The following GSE1 variants were observed in gnomAD, a reference collection of about 807,000 sequenced individuals.
The protein encoded by GSE1 is Gse1 coiled-coil protein.
GSE1 carries 32 observed loss-of-function variants against 112.6 expected under a neutral mutation model. That is an observed-to-expected ratio of 0.28 (90% CI 0.21 to 0.38). GSE1 has a LOEUF of 0.38. Ranked by LOEUF, GSE1 falls within the 10% of genes least tolerant of loss-of-function variation. GSE1 has a pLI of 1.00. For synonymous variants in GSE1, 1,115 were observed against 735.6 expected (o/e 1.52, Z -8.35); for missense variants, 2,348 against 1,699.2 (o/e 1.38, Z -6.71).
At chr16:85,513,198 C>T (rs1007428263) in intron 2 of GSE1, among the ~76,000 whole-genome samples, 6 of 152,106 alleles carry the variant, frequency 3.9e-5, no homozygotes, top group Non-Finnish European at 7.4e-5. Flanking sequence ...CTCCCTCTCC[C>T]GGCTCAGAGA....
chr16:85,588,824 C>G (rs1049893122), intron 1 of GSE1, among the ~76,000 whole-genome samples: 1 of 152,100 alleles, frequency 6.6e-6, no homozygotes. Flanking sequence ...AGATAAGCAC[C>G]CGAGGCCTGC....
chr16:85,467,457 G>A (rs1434524403), intron 2 of GSE1, among the ~76,000 whole-genome samples: 1 of 152,206 alleles, frequency 6.6e-6, no homozygotes, highest in Non-Finnish European at 1.5e-5. Flanking sequence ...TCTCGCCTGG[G>A]ATCTCATGTT....
chr16:85,212,003 C>G (rs1377469109), intron 1 of GSE1, among the ~76,000 whole-genome samples: 1 of 152,250 alleles, frequency 6.6e-6, no homozygotes, highest in Non-Finnish European at 1.5e-5. Context: ...GGGGAGGACT[C>G]CTGTTACAGG....
Position 85,675,848 on chromosome 16 carries a change from A to T in GSE1, c.*3309A>T, listed in dbSNP as rs2053647585. 6.6e-6 allele frequency: 1 copy of T among 152,322 alleles called. No homozygotes were observed. The highest frequency in any genetic ancestry group is 2.4e-5 in the African/African-American group (1 of 41,466). The allele number at this position is 152,322 out of a possible 1,614,324, so 9.4% of individuals were successfully genotyped here. A position where few individuals can be genotyped will look rare whatever the true frequency, so the allele number is the denominator to read the frequency against. ...ATTCTTTCAAGTAACCAAGCTGTTG[A>T]CTTTCTTACTACTTGCAGTAGCCTG... On this transcript the variant is annotated 3_prime_UTR_variant, in exon 16 of 16. Transcript: ENST00000253458.
rs1411879762 is a variant in GSE1, at chr16:85,663,641, G to A, written c.2644+27G>A. ...TAGGGCCTCGCCTGGGTAGGAAGGTGGGGGCTCACTGGGGTGGAAGTGGGT... is the reference window on the plus strand; with the variant it reads ...TAGGGCCTCGCCTGGGTAGGAAGGTAGGGGCTCACTGGGGTGGAAGTGGGT... On this transcript the variant is annotated intron_variant, in intron 11 of 15. Transcript: ENST00000253458. 3 of 1,594,534 alleles carry A rather than the reference G, an allele frequency of 1.9e-6. No individual in the cohort carries two copies. The East Asian group carries it at 6.7e-5, about 36-fold the overall frequency.
At chr16:85,245,493 C>T (rs1317773637) in intron 1 of GSE1, among the ~76,000 whole-genome samples, 1 of 152,208 alleles carries the variant, frequency 6.6e-6, no homozygotes, top group Admixed American at 6.5e-5. Flanking sequence ...GTCATTGTCC[C>T]GTCATCCTTG....
chr16:85,594,623 A>T (rs1270356788), intron 1 of GSE1: 1 of 152,304 alleles, frequency 6.6e-6, no homozygotes, highest in East Asian at 1.9e-4. Context: ...TCCGTGGGTC[A>T]GATGGCCGCT....
chr16:85,313,743 A>C (rs1231926826), intron 1 of GSE1, among the ~76,000 whole-genome samples: 3 of 152,238 alleles, frequency 2.0e-5, no homozygotes, highest in African/African-American at 7.2e-5. Flanking sequence ...TGGGCAGCTC[A>C]TGTGGCCAAG....
In GSE1 at chr16:85,596,038, A is replaced by G. The variant is rs976069515; in HGVS notation, c.37+39675A>G. Among the ~76,000 whole-genome samples, 3 of 135,738 alleles carry G rather than the reference A, an allele frequency of 2.2e-5. No homozygotes were observed. The East Asian group carries it at 6.8e-4, about 31-fold the overall frequency. The allele number at this position is 135,738 out of a possible 152,430, so 89.0% of individuals were successfully genotyped here. On this transcript the variant is annotated intron_variant, in intron 1 of 2. Transcript: ENST00000635906. ...CATCTGCCCACCCATCCATCTACCC[A>G]TCCACCCATTCCTCCGTCCACCCCT...
At chr16:85,205,225 G>C (rs1321640098) in intron 1 of GSE1, among the ~76,000 whole-genome samples, 4 of 152,052 alleles carry the variant, frequency 2.6e-5, no homozygotes, top group African/African-American at 9.7e-5. Context: ...CGCCTCCTGG[G>C]GGTTCAAGCT....
intron 1 of GSE1, among the ~76,000 whole-genome samples, chr16:85,349,659 G>A (rs1189819006): frequency 6.6e-6 from 1 of 152,120 alleles, no homozygotes; most frequent in South Asian, 2.1e-4. Context: ...CCCTACACTT[G>A]GCTTCGTGCC....
At chr16:85,415,804 G>A (rs888233276) in intron 2 of GSE1, among the ~76,000 whole-genome samples, 3 of 152,226 alleles carry the variant, frequency 2.0e-5, no homozygotes, top group South Asian at 2.1e-4. Flanking sequence ...AGGCAGGCCC[G>A]CTAGAAGGAT....
chr16:85,598,272 C>T (rs1463072855), intron 1 of GSE1, among the ~76,000 whole-genome samples: 1 of 149,862 alleles, frequency 6.7e-6, no homozygotes. Flanking sequence ...CTCTCTGGGA[C>T]CCCATGTGCT....
At chr16:85,618,448 G>T (rs1018361406) in intron 1 of GSE1, among the ~76,000 whole-genome samples, 1 of 152,174 alleles carries the variant, frequency 6.6e-6, no homozygotes, top group South Asian at 2.1e-4. Context: ...CTGTTACTGT[G>T]TCGATCAGTG....
rs1567658838 is a variant in GSE1, at chr16:85,617,613, T to TGG, written c.7+4215_7+4216insGG. On this transcript the variant is annotated intron_variant, in intron 1 of 15. Transcript: ENST00000253458. ...GTCAACCCTCCCCCCCCCCCCCCCG[T>TGG]TAACTGCCACGTGCAGCCCAAGCTG... Among the ~76,000 whole-genome samples the TGG allele has an allele frequency of 1.1e-4, 8 of 70,576 alleles. 3 individuals are homozygous for TGG. Among genetic ancestry groups the TGG allele is most frequent in the African/African-American group, 3.0e-4 (6 of 19,926 alleles). The allele number at this position is 70,576 out of a possible 152,430, so 46.3% of individuals were successfully genotyped here. A position where few individuals can be genotyped will look rare whatever the true frequency, so the allele number is the denominator to read the frequency against.
At chr16:85,408,867 T>C (rs1201973182) in intron 2 of GSE1, among the ~76,000 whole-genome samples, 7 of 25,856 alleles carry the variant, frequency 2.7e-4, no homozygotes, top group Admixed American at 3.4e-4. Flanking sequence ...TAATCCTCAC[T>C]GTTACACTCA....
At chr16:85,581,955 T>G (rs972822658) in intron 1 of GSE1, 4 of 152,132 alleles carry the variant, frequency 2.6e-5, no homozygotes, top group African/African-American at 7.2e-5. Context: ...GTCTACATTT[T>G]TCAAAGCTCC....
intron 1 of GSE1, among the ~76,000 whole-genome samples, chr16:85,294,616 ACTCTCTCTCTCTCT>A (rs756560732): frequency 2.0e-3 from 153 of 76,654 alleles, no homozygotes; most frequent in African/African-American, 5.3e-3. Flanking sequence ...CACGCCTCTC[ACTCTCTCTCTCTCT>A]CTCTCTCTCT....
At chr16:85,550,343 T>C (rs892466027) in intron 2 of GSE1, among the ~76,000 whole-genome samples, 11 of 152,220 alleles carry the variant, frequency 7.2e-5, no homozygotes, top group African/African-American at 2.6e-4. Context: ...AAAATGGAAC[T>C]CATGGTGACC....
Sources: gnomAD v4.1 joint callset for allele counts (sites outside exome capture counted in the v4.1 genomes callset) on GRCh38, gnomAD v4.1.1 for gene constraint, MANE v1.5 for transcripts, NCBI Gene and HGNC (gene_info 2026-07-23, HGNC 2026-07-21) for gene names.